CAPN8: variants seen among roughly 807,000 people sequenced by gnomAD.
The protein encoded by CAPN8 is calpain-8.
In CAPN8, 87 loss-of-function variants were observed where a neutral mutation model predicts 80.9. That is an observed-to-expected ratio of 1.07 (90% CI 0.90 to 1.28). The LOEUF is 1.28. Ranked by LOEUF, CAPN8 falls within the 50% of genes most tolerant of loss-of-function variation. The pLI, the probability that CAPN8 is intolerant of heterozygous loss-of-function variation, is 0.00. For synonymous variants in CAPN8, 299 were observed against 273.8 expected (o/e 1.09, Z -0.91); for missense variants, 757 against 702.0 (o/e 1.08, Z -0.89).
intron 9 of CAPN8, chr1:223,616,880 C>T (rs910504566): frequency 6.6e-6 from 1 of 152,196 alleles, no homozygotes; most frequent in African/African-American, 2.4e-5. Context: ...TGCCACACCA[C>T]GTATGGATAT....
intron 6 of CAPN8, 47 bp downstream of exon 6, chr1:223,625,758 G>T: frequency 6.8e-7 from 1 of 1,479,068 alleles, no homozygotes; most frequent in Non-Finnish European, 9.2e-7. Context: ...TTGGATTCAT[G>T]GAAATATTAT....
At chr1:223,662,173 C>A (rs768176096) in intron 1 of CAPN8, among the ~76,000 whole-genome samples, 1 of 152,042 alleles carries the variant, frequency 6.6e-6, no homozygotes, top group Non-Finnish European at 1.5e-5. Flanking sequence ...AAGGGCCAGG[C>A]GCAGTGGCTC....
chr1:223,659,745 A>G (rs1658595669), intron 1 of CAPN8, among the ~76,000 whole-genome samples: 1 of 152,234 alleles, frequency 6.6e-6, no homozygotes, highest in African/African-American at 2.4e-5. Flanking sequence ...CCCAATAACC[A>G]AAGCCTCCAA....
rs1658420735 is a variant in CAPN8 at position 223,654,329 on chromosome 1, C to T, written c.307+1G>A. The stretch of plus-strand genomic sequence containing the variant: ...AAATAAGACTCTCCCCAGTTACTCA[C>T]CTAGACCACCCTGACAAATGTCTGT... On this transcript the variant is annotated splice_donor_variant, in intron 2 of 20. Coordinates refer to ENST00000366872, the MANE Select transcript of CAPN8 (RefSeq NM_001143962.2). LOFTEE classifies it high-confidence loss of function. The T allele has an allele frequency of 1.3e-6, 2 of 1,551,560 alleles. No homozygotes were observed. The highest frequency in any genetic ancestry group is 2.0e-5 in the Admixed American group (1 of 50,982).
At chr1:223,662,736 ATT>A (rs1658680469) in intron 1 of CAPN8, among the ~76,000 whole-genome samples, 1 of 152,226 alleles carries the variant, frequency 6.6e-6, no homozygotes, top group Non-Finnish European at 1.5e-5. Context: ...AATGCACCAC[ATT>A]TCTGGATACC....
At chr1:223,612,357 C>T (rs1657050536) in intron 10 of CAPN8, 100 bp from the exon 11 acceptor site, 11 of 1,058,274 alleles carry the variant, frequency 1.0e-5, no homozygotes, top group Non-Finnish European at 1.2e-5. Flanking sequence ...ACTGTGCAGT[C>T]CTGGGGCAAC....
At chr1:223,624,986 A>T (rs974218175) in intron 6 of CAPN8, among the ~76,000 whole-genome samples, 1 of 151,920 alleles carries the variant, frequency 6.6e-6, no homozygotes, top group Non-Finnish European at 1.5e-5. Context: ...CCAGCTACTC[A>T]GGAGGCTGAG....
rs1239256319 is a variant in CAPN8 at position 223,541,851 on chromosome 1, G to A, written c.2097C>T (p.Cys699=). 1.9e-6 allele frequency: 3 copies of A among 1,549,468 alleles called. No individual in the cohort carries two copies. Among genetic ancestry groups the A allele is most frequent in the Non-Finnish European group, 2.6e-6 (3 of 1,146,654 alleles). Residue 699 remains cysteine (C), a synonymous_variant, in exon 21 of 21, where the codon TGC becomes TGT. Coordinates refer to ENST00000366872, the MANE Select transcript of CAPN8 (RefSeq NM_001143962.2). ...AAACCCCGGGTCAGACCAACACGCA[G>A]CACAGCCACTGCAAAGGAAAGGGAC... ...MVQLSLAEWL[C]CVLV
chr1:223,557,229 A>T (rs1656924896), intron 13 of CAPN8, among the ~76,000 whole-genome samples: 1 of 28,346 alleles, frequency 3.5e-5, no homozygotes, highest in African/African-American at 1.2e-4. Flanking sequence ...CGAGCTTGTA[A>T]ATTTGACACA....
intron 11 of CAPN8, among the ~76,000 whole-genome samples, chr1:223,611,141 T>C (rs1657020567): frequency 6.6e-6 from 1 of 152,198 alleles, no homozygotes; most frequent in African/African-American, 2.4e-5. Context: ...AAATGGGGCA[T>C]TTCTGATGGG....
chr1:223,653,477 G>T (rs976922719), intron 2 of CAPN8, among the ~76,000 whole-genome samples: 62 of 152,132 alleles, frequency 4.1e-4, no homozygotes, highest in Non-Finnish European at 7.5e-4. Flanking sequence ...GGGGGGTGGT[G>T]ATGGGGTCCA....
At chr1:223,552,559 CAA>C (rs1167143421) in intron 14 of CAPN8, among the ~76,000 whole-genome samples, 272 of 65,644 alleles carry the variant, frequency 4.1e-3, no homozygotes, top group African/African-American at 0.014. Context: ...CAGTCCATCT[CAA>C]AAAAAAAAAA....
At chr1:223,665,054 G>A (rs1000120633) in intron 1 of CAPN8, among the ~76,000 whole-genome samples, 13 of 152,118 alleles carry the variant, frequency 8.5e-5, no homozygotes, top group Non-Finnish European at 1.8e-4. Context: ...GGGAGTTTGA[G>A]ACCAGCCTGA....
chr1:223,656,277 T>A (rs912347755), intron 1 of CAPN8, among the ~76,000 whole-genome samples: 26 of 152,124 alleles, frequency 1.7e-4, no homozygotes, highest in African/African-American at 6.3e-4. Context: ...GAAACCATCC[T>A]AGCTAACATG....
chr1:223,548,135 A>G (rs1458569430), intron 16 of CAPN8, among the ~76,000 whole-genome samples: 1 of 152,208 alleles, frequency 6.6e-6, no homozygotes, highest in East Asian at 1.9e-4. Context: ...GCAGTTAATG[A>G]AAGAACCCAC....
intron 13 of CAPN8, among the ~76,000 whole-genome samples, chr1:223,557,421 T>A: frequency 1.1e-5 from 1 of 93,078 alleles, no homozygotes; most frequent in Non-Finnish European, 2.6e-5. Flanking sequence ...TGTGCCCCCA[T>A]GAAGGTGGTC....
chr1:223,611,758 G>A (rs1237262998), intron 11 of CAPN8, among the ~76,000 whole-genome samples: 1 of 152,190 alleles, frequency 6.6e-6, no homozygotes, highest in Non-Finnish European at 1.5e-5. Flanking sequence ...TGAGCCAAGG[G>A]CAGGTGGACC....
At chr1:223,542,906 G>T (rs185625497) in intron 20 of CAPN8, among the ~76,000 whole-genome samples, 40 of 152,010 alleles carry the variant, frequency 2.6e-4, no homozygotes, top group African/African-American at 8.7e-4. Context: ...TTATCTTTAC[G>T]ATCATAATAA....
In CAPN8 at chr1:223,627,173, G is replaced by T. The variant is rs745603640; in HGVS notation, c.561-16C>A. On this transcript the variant is annotated splice_polypyrimidine_tract_variant and intron_variant, in intron 4 of 20. Transcript: ENST00000366872. The stretch of plus-strand genomic sequence containing the variant: ...ACCATTAAGCCTATTGGAAAAGAAA[G>T]AACACATGCTCCATTAGCACCCTCA... 9 of 1,551,968 alleles carry T rather than the reference G, an allele frequency of 5.8e-6. No homozygotes were observed. The highest frequency in any genetic ancestry group is 7.8e-6 in the Non-Finnish European group (9 of 1,146,866).
Sources: allele counts gnomAD v4.1 joint callset (sites outside exome capture counted in the v4.1 genomes callset), GRCh38; gene constraint gnomAD v4.1.1; transcripts MANE v1.5; gene names NCBI Gene and HGNC (gene_info 2026-07-23, HGNC 2026-07-21).